Variants in LIMCH1 observed in about 807,000 individuals in gnomAD.
LIMCH1 encodes the protein LIM and calponin homology domains-containing protein 1.
LIMCH1 carries 113 observed loss-of-function variants against 176.5 expected under a neutral mutation model. That is an observed-to-expected ratio of 0.64 (90% CI 0.55 to 0.75). The LOEUF is 0.75. LIMCH1 is among the 30% of genes least tolerant of loss of function. LIMCH1 has a pLI of 0.00. For missense variants in LIMCH1, 1,674 were observed against 1,814.9 expected (o/e 0.92, Z 1.41); for synonymous variants, 619 against 645.9 (o/e 0.96, Z 0.63).
At chr4:41,521,663 C>G (rs1454499376) in intron 2 of LIMCH1, among the ~76,000 whole-genome samples, 2 of 152,010 alleles carry the variant, frequency 1.3e-5, no homozygotes, top group African/African-American at 4.8e-5. Flanking sequence ...AAACAGAACA[C>G]TGGATTGGAG....
At chr4:41,397,534 G>T (rs1445655481) in intron 1 of LIMCH1, among the ~76,000 whole-genome samples, 1 of 152,078 alleles carries the variant, frequency 6.6e-6, no homozygotes, top group Non-Finnish European at 1.5e-5. Context: ...TAGCAGATTA[G>T]AGTGGGAATG....
At chr4:41,445,017 A>G (rs1457186767) in intron 1 of LIMCH1, among the ~76,000 whole-genome samples, 10 of 134,074 alleles carry the variant, frequency 7.5e-5, no homozygotes, top group Non-Finnish European at 1.3e-4. Context: ...ACATTTTCCC[A>G]TTCTTTTTTT....
At chr4:41,401,515 G>A (rs1402244986) in intron 1 of LIMCH1, among the ~76,000 whole-genome samples, 2 of 152,090 alleles carry the variant, frequency 1.3e-5, no homozygotes, top group Admixed American at 6.6e-5. Context: ...GGTGATGCGG[G>A]CTCTTTTTTG....
intron 2 of LIMCH1, among the ~76,000 whole-genome samples, chr4:41,500,365 G>T (rs1461534235): frequency 6.6e-6 from 1 of 152,166 alleles, no homozygotes; most frequent in African/African-American, 2.4e-5. Context: ...TTGAAGAAAA[G>T]AGCTTTTCTC....
chr4:41,679,460 T>C (rs933001668), intron 23 of LIMCH1, among the ~76,000 whole-genome samples: 2 of 152,220 alleles, frequency 1.3e-5, no homozygotes, highest in African/African-American at 4.8e-5. Flanking sequence ...AAAACTACTC[T>C]TAATTCAGAA....
intron 21 of LIMCH1, among the ~76,000 whole-genome samples, chr4:41,670,427 C>G (rs2094974037): frequency 6.6e-6 from 1 of 152,172 alleles, no homozygotes; most frequent in South Asian, 2.1e-4. Flanking sequence ...ATCATTCTAT[C>G]ATTTTGAGAT....
At chr4:41,407,759 T>C (rs1165161689) in intron 1 of LIMCH1, among the ~76,000 whole-genome samples, 1 of 152,188 alleles carries the variant, frequency 6.6e-6, no homozygotes, top group African/African-American at 2.4e-5. Flanking sequence ...GTATCCCACG[T>C]TGAGGCTTGG....
At chr4:41,453,676 G>C (rs1482267023) in intron 1 of LIMCH1, 1 of 152,210 alleles carries the variant, frequency 6.6e-6, no homozygotes, top group Non-Finnish European at 1.5e-5. Flanking sequence ...TTATTCAAGG[G>C]TCAACTGCAT....
chr4:41,643,648 T>A (rs2093930456), intron 14 of LIMCH1, among the ~76,000 whole-genome samples: 1 of 140,472 alleles, frequency 7.1e-6, no homozygotes. Flanking sequence ...AGTCTAAGAG[T>A]TTTTTAAAGA....
At chr4:41,569,049 C>A (rs1017171852) in intron 1 of LIMCH1, among the ~76,000 whole-genome samples, 29 of 152,014 alleles carry the variant, frequency 1.9e-4, no homozygotes, top group Admixed American at 8.5e-4. Flanking sequence ...ATAGAAATTA[C>A]CAACTGAGGG....
In LIMCH1 at chr4:41,633,743, A is replaced by C; in HGVS notation, c.2025A>C (p.Pro675=). The change falls in exon 13 of 32, where the codon CCA becomes CCC. Residue 675 remains proline (P), a synonymous_variant. Transcript: ENST00000503057. ...GATCCAACCCAAACCAGTTCCTTCC[A>C]GTTCCATTTGCAAAGCAACAGGATG... ...HTGSNPNQFL[P]VPFAKQQDVE... 1.3e-6 allele frequency: 2 copies of C among 1,536,192 alleles called. No individual in the cohort carries two copies. Among genetic ancestry groups the C allele is most frequent in the Non-Finnish European group, 1.7e-6 (2 of 1,146,918 alleles).
At chr4:41,524,614 G>T (rs576833667) in intron 3 of LIMCH1, 2 of 687,138 alleles carry the variant, frequency 2.9e-6, no homozygotes, top group Non-Finnish European at 5.2e-6. Context: ...TCCATTAAAC[G>T]AAGAGGTCAC....
At position 41,662,886 on chromosome 4, in the gene LIMCH1, T is replaced by C. The variant is rs141344857; in HGVS notation, c.3193T>C (p.Ser1065Pro). The C allele has an allele frequency of 3.2e-4, 515 of 1,613,960 alleles. 2 individuals are homozygous for C. The African/African-American group carries it at 6.1e-3, about 19-fold the overall frequency. ...SPTVAFVEFP[S>P]SPQLKNDVSE... is the part of the protein sequence containing the mutation. ...GACCGTGGCCTTTGTGGAATTTCCC[T>C]CCAGCCCCCAGCTGAAGAATGATGT... is the stretch of plus-strand genomic sequence containing the variant. Residue 1065 changes from serine to proline, a missense_variant, in exon 20 of 32, where the codon TCC (serine) becomes CCC (proline). Ser to Pro is a moderately conservative substitution (Grantham distance 74). This residue lies in a region of LIMCH1 where 1,015 missense variants were observed against 1,102.5 expected (regional missense o/e 0.92). Coordinates refer to ENST00000503057, the MANE Select transcript of LIMCH1 (RefSeq NM_001330672.2).
chr4:41,450,719 C>T (rs541513210), intron 1 of LIMCH1, among the ~76,000 whole-genome samples: 9 of 145,792 alleles, frequency 6.2e-5, no homozygotes, highest in African/African-American at 2.1e-4. Flanking sequence ...TGTTTGAACC[C>T]GGTAGGCAGA....
intron 26 of LIMCH1, among the ~76,000 whole-genome samples, 179 bp downstream of exon 26, chr4:41,682,639 C>G (rs1325372420): frequency 1.3e-5 from 2 of 148,746 alleles, no homozygotes; most frequent in Non-Finnish European, 3.0e-5. Flanking sequence ...GTGCCCTTAT[C>G]TTTTGAATAT....
At chr4:41,632,695 C>A in intron 10 of LIMCH1, 54 bp from the exon 11 acceptor site, 1 of 1,397,828 alleles carries the variant, frequency 7.2e-7, no homozygotes, top group Non-Finnish European at 9.8e-7. Flanking sequence ...TGTCTTCTTT[C>A]GTAACCCATG....
At chr4:41,406,794 A>G (rs2059003787) in intron 1 of LIMCH1, among the ~76,000 whole-genome samples, 1 of 152,146 alleles carries the variant, frequency 6.6e-6, no homozygotes, top group African/African-American at 2.4e-5. Flanking sequence ...AAGAATTCTT[A>G]TTCAAGGGAA....
At chr4:41,587,940 T>G (rs1046776741) in intron 1 of LIMCH1, among the ~76,000 whole-genome samples, 20 of 152,324 alleles carry the variant, frequency 1.3e-4, no homozygotes, top group African/African-American at 4.8e-4. Flanking sequence ...TTATTTTGTT[T>G]TATTATTATT....
intron 21 of LIMCH1, 90 bp downstream of exon 21, chr4:41,666,756 T>A (rs1328601039): frequency 2.4e-6 from 2 of 833,972 alleles, no homozygotes; most frequent in East Asian, 5.3e-5. Flanking sequence ...TTACGTCCTT[T>A]ATGTTGCTAT....
Sources: gnomAD v4.1 joint callset for allele counts (sites outside exome capture counted in the v4.1 genomes callset) on GRCh38, gnomAD v4.1.1 for gene constraint, gnomAD v4.1.1 regional missense constraint, MANE v1.5 for transcripts, NCBI Gene and HGNC (gene_info 2026-07-23, HGNC 2026-07-21) for gene names.